TMEM217B: variants seen among roughly 807,000 people sequenced by gnomAD.
TMEM217B encodes the protein transmembrane protein 217B, also known as putative transmembrane protein 217B.
the TMEM217B span, among the ~76,000 whole-genome samples, chr6:37,256,548 G>A: frequency 6.6e-6 from 1 of 152,198 alleles, no homozygotes; most frequent in East Asian, 1.9e-4. Flanking sequence ...AAGACTCAGA[G>A]GAAGTAAAAA....
At chr6:37,257,921 G>T in the TMEM217B span, 1 of 1,613,932 alleles carries the variant, frequency 6.2e-7, no homozygotes, top group South Asian at 1.1e-5. Context: ...CAGAGCAATG[G>T]CCGCTGAGAA....
chr6:37,215,436 A>G, the TMEM217B span, among the ~76,000 whole-genome samples: 12 of 152,038 alleles, frequency 7.9e-5, no homozygotes, highest in Non-Finnish European at 1.6e-4. Context: ...TTAGCTGGGC[A>G]TGGTGGCACG....
chr6:37,256,051 T>TA, the TMEM217B span, among the ~76,000 whole-genome samples: 1 of 152,214 alleles, frequency 6.6e-6, no homozygotes, highest in African/African-American at 2.4e-5. Flanking sequence ...TATGTCTAGA[T>TA]ACACAAATCA....
At chr6:37,244,021 TG>T in the TMEM217B span, among the ~76,000 whole-genome samples, 2 of 152,226 alleles carry the variant, frequency 1.3e-5, no homozygotes, top group Non-Finnish European at 2.9e-5. Flanking sequence ...ACAGGGGAAC[TG>T]GGGAAGTTAC....
the TMEM217B span, among the ~76,000 whole-genome samples, chr6:37,231,671 CAAAA>C: frequency 1.7e-5 from 1 of 60,398 alleles, no homozygotes; most frequent in East Asian, 4.6e-4. Flanking sequence ...GACTCCATCT[CAAAA>C]AAAAAAAAAA....
the TMEM217B span, among the ~76,000 whole-genome samples, chr6:37,226,722 C>A: frequency 6.6e-6 from 1 of 152,090 alleles, no homozygotes; most frequent in Non-Finnish European, 1.5e-5. Flanking sequence ...CAACCACACC[C>A]AGCTAATTTT....
chr6:37,245,303 T>C, the TMEM217B span, among the ~76,000 whole-genome samples: 1 of 152,234 alleles, frequency 6.6e-6, no homozygotes, highest in African/African-American at 2.4e-5. Flanking sequence ...TTTGACTCCA[T>C]AGGTACACTG....
chr6:37,231,866 C>A, the TMEM217B span, among the ~76,000 whole-genome samples: 1 of 150,290 alleles, frequency 6.7e-6, no homozygotes, highest in Admixed American at 6.7e-5. Flanking sequence ...GACCATTATT[C>A]TTCCTCAGAC....
At chr6:37,218,340 C>G in the TMEM217B span, 3 of 1,251,584 alleles carry the variant, frequency 2.4e-6, no homozygotes, top group African/African-American at 3.0e-5. Context: ...GGCTAATTTT[C>G]TATTTTTTTT....
chr6:37,231,531 G>C, the TMEM217B span, among the ~76,000 whole-genome samples: 1 of 150,556 alleles, frequency 6.6e-6, no homozygotes, highest in Non-Finnish European at 1.5e-5. Flanking sequence ...AAATTAGCCA[G>C]TCATGGTGGC....
At chr6:37,228,429 C>T in the TMEM217B span, among the ~76,000 whole-genome samples, 1 of 152,180 alleles carries the variant, frequency 6.6e-6, no homozygotes, top group Non-Finnish European at 1.5e-5. Flanking sequence ...TAAGGCCAGG[C>T]GTGATGGCTC....
the TMEM217B span, chr6:37,257,925 C>T: frequency 2.5e-5 from 40 of 1,613,884 alleles, 1 homozygote; most frequent in South Asian, 4.1e-4. Flanking sequence ...GCAATGGCCG[C>T]TGAGAACAGC....
the TMEM217B span, chr6:37,218,341 T>C: frequency 8.0e-7 from 1 of 1,251,282 alleles, no homozygotes; most frequent in African/African-American, 1.5e-5. Flanking sequence ...GCTAATTTTC[T>C]ATTTTTTTTA....
the TMEM217B span, chr6:37,212,384 C>A: frequency 2.6e-6 from 1 of 383,508 alleles, no homozygotes. Context: ...GAACACCATT[C>A]CCTCCCACCT....
At chr6:37,216,032 T>A in the TMEM217B span, among the ~76,000 whole-genome samples, 6,992 of 138,516 alleles carry the variant, frequency 0.05, 497 homozygotes, top group African/African-American at 0.16. Flanking sequence ...TGTGTGTGTG[T>A]GAGAAACAGA....
chr6:37,218,561 C>T, the TMEM217B span: 59 of 1,613,968 alleles, frequency 3.7e-5, no homozygotes, highest in African/African-American at 1.1e-4. Context: ...GCCCTGGCTC[C>T]GGTTTTTGTA....
the TMEM217B span, among the ~76,000 whole-genome samples, chr6:37,251,020 C>T: frequency 1.4e-5 from 2 of 138,318 alleles, no homozygotes; most frequent in East Asian, 2.1e-4. Flanking sequence ...AGCTGCCTGA[C>T]CCTTTCCACC....
the TMEM217B span, among the ~76,000 whole-genome samples, chr6:37,234,248 C>T: frequency 3.2e-4 from 48 of 151,972 alleles, no homozygotes; most frequent in South Asian, 1.0e-3. Context: ...TACAGGCATG[C>T]GCCACCACAC....
chr6:37,215,570 C>CAAAAAAAAAAAAAAAAAAAAAA, the TMEM217B span, among the ~76,000 whole-genome samples: 5 of 72,368 alleles, frequency 6.9e-5, no homozygotes, highest in African/African-American at 1.8e-4. Flanking sequence ...GACTCTGTCT[C>CAAAAAAAAAAAAAAAAAAAAAA]AAAAAAAAAA....
Sources: gnomAD v4.1 joint callset for allele counts (sites outside exome capture counted in the v4.1 genomes callset) on GRCh38, gnomAD v4.1.1 for gene constraint, MANE v1.5 for transcripts, NCBI Gene and HGNC (gene_info 2026-07-23, HGNC 2026-07-21) for gene names.